The following NRG1 variants were observed in gnomAD, a reference collection of about 807,000 sequenced individuals.
The protein encoded by NRG1 is neuregulin 1, also known as pro-neuregulin-1, membrane-bound isoform.
Under a neutral mutation model 63.8 loss-of-function variants are expected in NRG1, and 18 were observed. The observed-to-expected ratio is 0.28, with a 90% CI of 0.19 to 0.42. NRG1 has a LOEUF of 0.42. Ranked by LOEUF, NRG1 falls within the 10% of genes least tolerant of loss-of-function variation. The probability of loss-of-function intolerance (pLI) is 1.00; values close to 1 mark genes in which losing one functional copy is unlikely to be tolerated. For synonymous variants in NRG1, 302 were observed against 301.3 expected, an observed-to-expected ratio of 1.00 and a Z score of -0.02; for missense variants, 762 against 814.7, an observed-to-expected ratio of 0.94 and a Z score of 0.79.
At chr8:32,036,625 T>C (rs1819110936) in intron 1 of NRG1, among the ~76,000 whole-genome samples, 1 of 152,206 alleles carries the variant, frequency 6.6e-6, no homozygotes, top group Non-Finnish European at 1.5e-5. Flanking sequence ...GTTTTGTTCA[T>C]TCCTTTTCAT....
intron 1 of NRG1, among the ~76,000 whole-genome samples, chr8:31,910,920 G>C (rs1744096741): frequency 6.6e-6 from 1 of 152,110 alleles, no homozygotes; most frequent in Non-Finnish European, 1.5e-5. Flanking sequence ...AAAGAAGGCA[G>C]GTTTTACAAC....
intron 1 of NRG1, among the ~76,000 whole-genome samples, chr8:32,384,866 A>C (rs1018903810): frequency 1.3e-5 from 2 of 152,232 alleles, no homozygotes; most frequent in African/African-American, 4.8e-5. Context: ...GTTTTTATAA[A>C]ACTGTCAGTT....
At chr8:32,268,170 A>C (rs1339554663) in intron 1 of NRG1, among the ~76,000 whole-genome samples, 2 of 152,200 alleles carry the variant, frequency 1.3e-5, no homozygotes, top group African/African-American at 2.4e-5. Context: ...AATCTGAAGG[A>C]GCCTGAAAGC....
At chr8:32,722,008 G>A in intron 5 of NRG1, 2 of 1,548,852 alleles carry the variant, frequency 1.3e-6, no homozygotes. Flanking sequence ...AAAGTATGCA[G>A]ATTCCTAAAC....
chr8:32,021,152 T>C (rs1563688034), intron 1 of NRG1, among the ~76,000 whole-genome samples: 2 of 152,212 alleles, frequency 1.3e-5, no homozygotes, highest in African/African-American at 2.4e-5. Flanking sequence ...TGATTTTTAT[T>C]TTTTTCAGAA....
At chr8:31,906,475 A>G in intron 1 of NRG1, among the ~76,000 whole-genome samples, 1 of 152,328 alleles carries the variant, frequency 6.6e-6, no homozygotes, top group South Asian at 2.1e-4. Context: ...ATCTCTTGCT[A>G]GAGTTCCCGA....
chr8:32,129,249 C>T (rs990511621), intron 1 of NRG1, among the ~76,000 whole-genome samples: 4 of 152,018 alleles, frequency 2.6e-5, no homozygotes, highest in African/African-American at 4.8e-5. Flanking sequence ...CTAACGCTAG[C>T]GTGGTGCCTT....
chr8:32,188,094 T>A, intron 1 of NRG1, among the ~76,000 whole-genome samples: 1 of 151,544 alleles, frequency 6.6e-6, no homozygotes. Flanking sequence ...TGAGATGAAG[T>A]CTCACTGGAT....
intron 1 of NRG1, among the ~76,000 whole-genome samples, chr8:32,530,320 G>A (rs182294319): frequency 0.055 from 8,321 of 152,160 alleles, 305 homozygotes; most frequent in Middle Eastern, 0.086. Context: ...TGTTAGCCAG[G>A]ATGGTCTCGA....
intron 1 of NRG1, among the ~76,000 whole-genome samples, chr8:32,001,541 A>T (rs1812932223): frequency 6.6e-6 from 1 of 151,988 alleles, no homozygotes. Flanking sequence ...ATAGATATTG[A>T]TATCAATTAT....
chr8:31,759,864 T>G (rs1032417680), intron 1 of NRG1, among the ~76,000 whole-genome samples: 1 of 152,144 alleles, frequency 6.6e-6, no homozygotes, highest in African/African-American at 2.4e-5. Context: ...TCAATTTATT[T>G]AGATCATCAC....
At chr8:31,922,583 G>C (rs1353230432) in intron 1 of NRG1, among the ~76,000 whole-genome samples, 1 of 152,146 alleles carries the variant, frequency 6.6e-6, no homozygotes, top group Non-Finnish European at 1.5e-5. Context: ...ACTTTTATGG[G>C]TTGAGCCTTT....
intron 1 of NRG1, among the ~76,000 whole-genome samples, chr8:31,793,040 C>T (rs1250282930): frequency 6.6e-6 from 1 of 152,178 alleles, no homozygotes. Context: ...TAGCTCATAA[C>T]CAATCATATC....
At chr8:31,714,932 A>G (rs1157379125) in intron 1 of NRG1, among the ~76,000 whole-genome samples, 1 of 152,080 alleles carries the variant, frequency 6.6e-6, no homozygotes, top group Non-Finnish European at 1.5e-5. Flanking sequence ...TTTTTTCTCT[A>G]AATACCCGCT....
At chr8:31,967,941 C>T (rs1464928830) in intron 1 of NRG1, among the ~76,000 whole-genome samples, 1 of 152,170 alleles carries the variant, frequency 6.6e-6, no homozygotes, top group African/African-American at 2.4e-5. Flanking sequence ...ACTGGTACAG[C>T]AGCCCCAGGC....
chr8:31,798,660 C>T (rs751595819), intron 1 of NRG1, among the ~76,000 whole-genome samples: 3 of 152,054 alleles, frequency 2.0e-5, no homozygotes, highest in Non-Finnish European at 4.4e-5. Context: ...ATTTAAGTGT[C>T]ATATGTACAT....
At chr8:32,168,722 C>A (rs762433194) in intron 1 of NRG1, among the ~76,000 whole-genome samples, 1 of 152,118 alleles carries the variant, frequency 6.6e-6, no homozygotes, top group Non-Finnish European at 1.5e-5. Context: ...AGAGGAAAGC[C>A]GCTGGCTGAC....
chr8:32,441,651 A>C (rs1426492879), intron 1 of NRG1, among the ~76,000 whole-genome samples: 1 of 152,140 alleles, frequency 6.6e-6, no homozygotes, highest in Non-Finnish European at 1.5e-5. Flanking sequence ...AAAATTAAAA[A>C]ATATCTAGAC....
At position 31,815,132 on chromosome 8, in the gene NRG1, G is replaced by A. The variant is rs373222383; in HGVS notation, c.37+175701G>A. 1.1e-4 allele frequency among the ~76,000 whole-genome samples: 16 copies of A among 152,104 alleles called. 1 individual carries two copies. The highest frequency in any genetic ancestry group is 3.6e-4 in the African/African-American group (15 of 41,474). Reference sequence around the variant, plus strand: ...ACTATTTTTAAGTATACGATTCACTGGTATTAAATGCATCTATAATGTTGT... The same window carrying A: ...ACTATTTTTAAGTATACGATTCACTAGTATTAAATGCATCTATAATGTTGT... On this transcript the variant is annotated intron_variant, in intron 1 of 10. Coordinates refer to the NRG1 transcript ENST00000519301.
Sources: gnomAD v4.1 joint callset for allele counts (sites outside exome capture counted in the v4.1 genomes callset) on GRCh38, gnomAD v4.1.1 for gene constraint, MANE v1.5 for transcripts, NCBI Gene and HGNC (gene_info 2026-07-23, HGNC 2026-07-21) for gene names.